Variants in KIAA0825 observed in about 807,000 individuals in gnomAD.
KIAA0825 encodes uncharacterized protein KIAA0825.
KIAA0825 carries 119 observed loss-of-function variants against 147.6 expected under a neutral mutation model. The observed-to-expected ratio is 0.81, with a 90% CI of 0.69 to 0.94. The LOEUF is 0.94. Ranked by LOEUF, KIAA0825 falls within the 40% of genes least tolerant of loss-of-function variation. The pLI, the probability that KIAA0825 is intolerant of heterozygous loss-of-function variation, is 0.00. For missense variants in KIAA0825, 1,381 were observed against 1,472.7 expected (o/e 0.94, Z 1.02); for synonymous variants, 470 against 518.1 (o/e 0.91, Z 1.26).
chr5:94,235,026 C>CAAAAAAAAACAAAAAAAAAAAAA (rs1774964084), intron 20 of KIAA0825, among the ~76,000 whole-genome samples: 1 of 131,614 alleles, frequency 7.6e-6, no homozygotes. Flanking sequence ...TTTCCTCAGG[C>CAAAAAAAAACAAAAAAAAAAAAA]AAAAAAAAAA....
intron 20 of KIAA0825, among the ~76,000 whole-genome samples, chr5:94,195,251 A>G (rs1467858524): frequency 2.0e-5 from 3 of 152,254 alleles, no homozygotes; most frequent in African/African-American, 7.2e-5. Flanking sequence ...AGGCAGAAAT[A>G]AATGAATACA....
chr5:94,371,589 AACTC>A (rs1173242490), intron 20 of KIAA0825, among the ~76,000 whole-genome samples: 3 of 152,164 alleles, frequency 2.0e-5, no homozygotes, highest in Non-Finnish European at 4.4e-5. Context: ...ATATCATGAG[AACTC>A]ACTCACTATC....
chr5:94,411,010 CAATAAATTG>C (rs1245377262), intron 15 of KIAA0825, among the ~76,000 whole-genome samples: 2 of 151,820 alleles, frequency 1.3e-5, no homozygotes, highest in Non-Finnish European at 2.9e-5. Flanking sequence ...AAAAATAAAA[CAATAAATTG>C]TAGGGTTTAT....
chr5:94,253,093 CAG>C (rs1776054488), intron 20 of KIAA0825, among the ~76,000 whole-genome samples: 1 of 152,034 alleles, frequency 6.6e-6, no homozygotes, highest in African/African-American at 2.4e-5. Context: ...TAAACAAAAA[CAG>C]AATACAGCAA....
chr5:94,155,213 C>CT (rs67704311), intron 20 of KIAA0825, among the ~76,000 whole-genome samples: 3,831 of 118,904 alleles, frequency 0.032, 84 homozygotes, highest in Non-Finnish European at 0.043. Context: ...TATTTTCTTT[C>CT]TTTTTTTTTT....
chr5:94,393,152 T>C (rs1169909305), intron 17 of KIAA0825, among the ~76,000 whole-genome samples: 1 of 152,132 alleles, frequency 6.6e-6, no homozygotes, highest in African/African-American at 2.4e-5. Context: ...GATTAATGAG[T>C]TCCTCTCCGG....
intron 1 of KIAA0825, among the ~76,000 whole-genome samples, chr5:94,608,091 A>G (rs957190754): frequency 6.6e-6 from 1 of 152,100 alleles, no homozygotes; most frequent in Non-Finnish European, 1.5e-5. Context: ...GCCATGTAAC[A>G]TAACATAGTC....
intron 20 of KIAA0825, among the ~76,000 whole-genome samples, chr5:94,311,536 C>G (rs1353857096): frequency 6.6e-6 from 1 of 151,548 alleles, no homozygotes; most frequent in Non-Finnish European, 1.5e-5. Context: ...CACCAAATAA[C>G]AAACTAACAC....
chr5:94,437,322 A>G (rs1437312265), intron 14 of KIAA0825, among the ~76,000 whole-genome samples: 5 of 152,214 alleles, frequency 3.3e-5, no homozygotes. Context: ...GAGATTAAGA[A>G]GTAGGTCAAT....
chr5:94,430,574 G>A lies in KIAA0825; in HGVS notation c.2497+9408C>T, dbSNP rs1300073299. On this transcript the variant is annotated intron_variant, in intron 14 of 20. Transcript: ENST00000682413. The stretch of plus-strand genomic sequence containing the variant: ...TTTGCAAAATGGTCCTAATAATCCC[G>A]GGTCATAAATGAAATAATATGTTAA... Among the ~76,000 whole-genome samples the A allele has an allele frequency of 2.0e-5, 3 of 152,026 alleles. 1 individual carries two copies. Among genetic ancestry groups the A allele is most frequent in the South Asian group, 4.2e-4 (2 of 4,812 alleles).
At chr5:94,543,508 T>C (rs180855257) in intron 2 of KIAA0825, among the ~76,000 whole-genome samples, 78 of 152,126 alleles carry the variant, frequency 5.1e-4, no homozygotes. Flanking sequence ...TCACTGATGC[T>C]TGAGAAAATA....
intron 5 of KIAA0825, among the ~76,000 whole-genome samples, 158 bp from the exon 6 acceptor site, chr5:94,485,088 G>C (rs1457434600): frequency 2.0e-5 from 3 of 151,694 alleles, no homozygotes; most frequent in Non-Finnish European, 3.0e-5. Context: ...AAATCTCCTA[G>C]GAGTATCTTT....
chr5:94,287,736 G>A (rs536431289), intron 20 of KIAA0825, among the ~76,000 whole-genome samples: 23 of 152,190 alleles, frequency 1.5e-4, no homozygotes, highest in African/African-American at 5.5e-4. Flanking sequence ...CCCATTCATA[G>A]AATTTCTAGA....
At chr5:94,287,449 T>A (rs925035450) in intron 20 of KIAA0825, among the ~76,000 whole-genome samples, 1 of 152,206 alleles carries the variant, frequency 6.6e-6, no homozygotes, top group African/African-American at 2.4e-5. Context: ...GGCAACTACT[T>A]CAGCCACTAT....
At chr5:94,357,900 CAA>C (rs1744507215) in intron 20 of KIAA0825, among the ~76,000 whole-genome samples, 1 of 149,544 alleles carries the variant, frequency 6.7e-6, no homozygotes, top group Non-Finnish European at 1.5e-5. Flanking sequence ...CCTGCCAATC[CAA>C]AGAGTAACAT....
intron 20 of KIAA0825, among the ~76,000 whole-genome samples, chr5:94,282,297 T>G (rs1777501488): frequency 6.7e-6 from 1 of 150,212 alleles, no homozygotes; most frequent in African/African-American, 2.5e-5. Context: ...CCAGGTGGAT[T>G]TTTTTTATGA....
At chr5:94,214,894 A>C (rs1388182977) in intron 20 of KIAA0825, among the ~76,000 whole-genome samples, 1 of 152,258 alleles carries the variant, frequency 6.6e-6, no homozygotes, top group African/African-American at 2.4e-5. Flanking sequence ...AAACAAAATA[A>C]GAAAAAATAG....
intron 2 of KIAA0825, among the ~76,000 whole-genome samples, chr5:94,539,700 C>G (rs928141433): frequency 6.6e-6 from 1 of 152,054 alleles, no homozygotes; most frequent in Non-Finnish European, 1.5e-5. Flanking sequence ...TCTCCTAAGA[C>G]ACTGGGTTAG....
chr5:94,262,686 G>A lies in KIAA0825; in HGVS notation c.3711-108562C>T, dbSNP rs563333187. Among the ~76,000 whole-genome samples the A allele has an allele frequency of 6.6e-5, 10 of 152,136 alleles. 1 individual carries two copies. The highest frequency in any genetic ancestry group is 2.4e-4 in the African/African-American group (10 of 41,514). ...AGTAGAAAAAGTAAGACAACAGTTC[G>A]TTCGATATGCCTTATTTGTGTAAAA... On this transcript the variant is annotated intron_variant, in intron 20 of 20. Coordinates refer to ENST00000682413, the MANE Select transcript of KIAA0825 (RefSeq NM_001145678.3).
Sources: allele counts gnomAD v4.1 joint callset (sites outside exome capture counted in the v4.1 genomes callset), GRCh38; gene constraint gnomAD v4.1.1; transcripts MANE v1.5; gene names NCBI Gene and HGNC (gene_info 2026-07-23, HGNC 2026-07-21).